TCF7L1: variants seen among roughly 807,000 people sequenced by gnomAD.
TCF7L1 encodes transcription factor 7 like 1.
Under a neutral mutation model 63.7 loss-of-function variants are expected in TCF7L1, and 18 were observed. The ratio of observed to expected loss-of-function variants is 0.28; its 90% confidence interval spans 0.20 to 0.42. The LOEUF (loss-of-function observed/expected upper bound fraction) is 0.42, where lower values mean the gene tolerates loss of function less well. Ranked by LOEUF, TCF7L1 falls within the 10% of genes least tolerant of loss-of-function variation. The pLI, the probability that TCF7L1 is intolerant of heterozygous loss-of-function variation, is 1.00. For missense variants in TCF7L1, 654 were observed against 779.3 expected (o/e 0.84, Z 1.91); for synonymous variants, 355 against 340.9 (o/e 1.04, Z -0.46).
chr2:85,139,166 G>A (rs189386223), intron 3 of TCF7L1, among the ~76,000 whole-genome samples: 207 of 152,134 alleles, frequency 1.4e-3, no homozygotes, highest in African/African-American at 4.6e-3. Context: ...GTGCCACCAC[G>A]CCCAGCCAAT....
At chr2:85,308,540 T>C (rs1324992828) in intron 11 of TCF7L1, among the ~76,000 whole-genome samples, 2 of 113,496 alleles carry the variant, frequency 1.8e-5, no homozygotes, top group Non-Finnish European at 3.5e-5. Context: ...CCGCCCTCCC[T>C]TTCTCCTTCC....
chr2:85,299,343 AG>A (rs1337884524), intron 4 of TCF7L1, among the ~76,000 whole-genome samples: 1 of 151,864 alleles, frequency 6.6e-6, no homozygotes, highest in African/African-American at 2.4e-5. Flanking sequence ...TGATGTCAGG[AG>A]TTCAAAACCA....
chr2:85,202,217 A>G (rs891417964), intron 3 of TCF7L1, among the ~76,000 whole-genome samples: 5 of 151,632 alleles, frequency 3.3e-5, no homozygotes, highest in Non-Finnish European at 7.4e-5. Context: ...CCTGCCTTGG[A>G]CCCCCCAAAG....
At chr2:85,189,135 G>A (rs558103729) in intron 3 of TCF7L1, among the ~76,000 whole-genome samples, 1 of 152,246 alleles carries the variant, frequency 6.6e-6, no homozygotes, top group Non-Finnish European at 1.5e-5. Flanking sequence ...TCCCCCCGAA[G>A]CAATTAAAAG....
intron 3 of TCF7L1, among the ~76,000 whole-genome samples, chr2:85,280,025 G>T (rs1203536827): frequency 6.6e-6 from 1 of 152,198 alleles, no homozygotes; most frequent in Non-Finnish European, 1.5e-5. Context: ...ATGAATGTGT[G>T]TACAAAATAC....
chr2:85,210,989 G>A (rs1679528402), intron 3 of TCF7L1, among the ~76,000 whole-genome samples: 1 of 152,172 alleles, frequency 6.6e-6, no homozygotes, highest in South Asian at 2.1e-4. Context: ...ACAGCAAGAT[G>A]GGTCTATCTC....
chr2:85,238,950 G>T (rs1000167681), intron 3 of TCF7L1, among the ~76,000 whole-genome samples: 1 of 151,938 alleles, frequency 6.6e-6, no homozygotes, highest in African/African-American at 2.4e-5. Flanking sequence ...CTTCCAAGTA[G>T]CTGGGACTAC....
intron 3 of TCF7L1, chr2:85,233,984 G>A (rs1001898293): frequency 5.3e-5 from 8 of 152,114 alleles, no homozygotes; most frequent in Non-Finnish European, 8.8e-5. Context: ...CATTTGGATT[G>A]TTTCTAGTGT....
chr2:85,305,449 G>T, intron 8 of TCF7L1, 46 bp downstream of exon 8: 1 of 1,564,180 alleles, frequency 6.4e-7, no homozygotes, highest in Non-Finnish European at 8.6e-7. Context: ...TGCAGGCTGT[G>T]GGGAGGGGTG....
intron 3 of TCF7L1, among the ~76,000 whole-genome samples, chr2:85,237,970 C>A (rs903743765): frequency 6.6e-6 from 1 of 152,014 alleles, no homozygotes; most frequent in African/African-American, 2.4e-5. Flanking sequence ...GTGATGCGGG[C>A]AGGACCCAAC....
intron 4 of TCF7L1, among the ~76,000 whole-genome samples, chr2:85,288,273 G>A (rs1345038774): frequency 1.3e-5 from 2 of 152,124 alleles, no homozygotes; most frequent in Admixed American, 6.6e-5. Flanking sequence ...ATTGGTCTGG[G>A]GTGCGGCTGG....
chr2:85,277,758 A>C (rs145029325), intron 3 of TCF7L1, among the ~76,000 whole-genome samples: 12 of 152,250 alleles, frequency 7.9e-5, no homozygotes, highest in Non-Finnish European at 1.6e-4. Flanking sequence ...CCTTGCATGC[A>C]ACTGTGGGGA....
At chr2:85,162,527 G>A (rs114989842) in intron 3 of TCF7L1, among the ~76,000 whole-genome samples, 196 of 152,296 alleles carry the variant, frequency 1.3e-3, no homozygotes, top group African/African-American at 4.5e-3. Context: ...CTGTGAAGAC[G>A]TATTTTCTCT....
intron 3 of TCF7L1, among the ~76,000 whole-genome samples, chr2:85,148,436 C>T (rs1677930654): frequency 6.6e-6 from 1 of 152,182 alleles, no homozygotes; most frequent in Non-Finnish European, 1.5e-5. Context: ...TTGCAGAGCA[C>T]TGAATCCCAG....
Position 85,150,434 on chromosome 2 carries a change from G to A in TCF7L1, c.441+15984G>A, listed in dbSNP as rs187136573. ...ATTTTAGTAGAGACGGGATTTCACC[G>A]TGTTAGACAGGATGGTCTCGATCTC... On this transcript the variant is annotated intron_variant, in intron 3 of 11. Transcript: ENST00000282111. Among the ~76,000 whole-genome samples, 7 of 152,122 alleles carry A rather than the reference G, an allele frequency of 4.6e-5. No homozygotes were observed. In the East Asian group the frequency reaches 7.7e-4, roughly 17 times the overall value.
chr2:85,264,690 G>A (rs1161193864), intron 3 of TCF7L1, among the ~76,000 whole-genome samples: 1 of 152,148 alleles, frequency 6.6e-6, no homozygotes, highest in East Asian at 1.9e-4. Context: ...TTTGTGCTCT[G>A]AAATGTACCC....
chr2:85,234,395 A>G (rs1680152408), intron 3 of TCF7L1, among the ~76,000 whole-genome samples: 2 of 151,868 alleles, frequency 1.3e-5, no homozygotes, highest in East Asian at 3.9e-4. Flanking sequence ...CGGCCTCCCA[A>G]AGTGCTGGGA....
intron 3 of TCF7L1, among the ~76,000 whole-genome samples, chr2:85,148,230 G>A (rs769884191): frequency 7.2e-5 from 11 of 152,166 alleles, no homozygotes; most frequent in African/African-American, 2.4e-5. Flanking sequence ...GGGATGGGGA[G>A]AGTCTGTGGA....
chr2:85,215,932 TCATAA>T (rs997117584), intron 3 of TCF7L1, among the ~76,000 whole-genome samples: 4 of 152,172 alleles, frequency 2.6e-5, no homozygotes, highest in African/African-American at 9.7e-5. Context: ...AATCCGATAC[TCATAA>T]CAGAAACACC....
Sources: gnomAD v4.1 joint callset for allele counts (sites outside exome capture counted in the v4.1 genomes callset) on GRCh38, gnomAD v4.1.1 for gene constraint, MANE v1.5 for transcripts, NCBI Gene and HGNC (gene_info 2026-07-23, HGNC 2026-07-21) for gene names.